The following KAZN variants were observed in gnomAD, a reference collection of about 807,000 sequenced individuals.
KAZN encodes the protein kazrin.
In KAZN, 40 loss-of-function variants were observed where a neutral mutation model predicts 87.4. That is an observed-to-expected ratio of 0.46 (90% CI 0.36 to 0.60). The LOEUF (loss-of-function observed/expected upper bound fraction) is 0.60, where lower values mean the gene tolerates loss of function less well. Among genes scored for constraint, KAZN ranks in the 20% least tolerant of loss-of-function variants. The probability of loss-of-function intolerance (pLI) is 0.00; values close to 1 mark genes in which losing one functional copy is unlikely to be tolerated. For missense variants in KAZN, 898 were observed against 1,073.9 expected (o/e 0.84, Z 2.29); for synonymous variants, 466 against 458.3 (o/e 1.02, Z -0.22).
chr1:14,161,471 C>T (rs72643175), intron 1 of KAZN, among the ~76,000 whole-genome samples: 22,141 of 152,212 alleles, frequency 0.15, 1,826 homozygotes, highest in East Asian at 0.33. Flanking sequence ...AATGCCTTAC[C>T]ATGTGGACCT....
At chr1:15,046,491 C>T (rs370144359) in intron 4 of KAZN, among the ~76,000 whole-genome samples, 6 of 152,194 alleles carry the variant, frequency 3.9e-5, no homozygotes, top group South Asian at 4.2e-4. Context: ...ATCAGACCCA[C>T]GCACCCATGC....
chr1:14,845,005 G>A (rs574047306), intron 1 of KAZN, among the ~76,000 whole-genome samples: 67 of 151,466 alleles, frequency 4.4e-4, no homozygotes, highest in Non-Finnish European at 3.8e-4. Context: ...GAATAAATGA[G>A]TAGTGGATAG....
chr1:14,628,318 G>A (rs1679301047), intron 1 of KAZN, among the ~76,000 whole-genome samples: 1 of 152,168 alleles, frequency 6.6e-6, no homozygotes, highest in South Asian at 2.1e-4. Context: ...CAGCATATAA[G>A]CAGCCAGGAC....
chr1:14,846,517 CA>C (rs1000787430), intron 1 of KAZN, among the ~76,000 whole-genome samples: 1 of 151,946 alleles, frequency 6.6e-6, no homozygotes, highest in African/African-American at 2.4e-5. Context: ...AAAACAAAAA[CA>C]AAAAAACCTA....
At chr1:14,057,470 CT>C (rs1477948550) in intron 1 of KAZN, among the ~76,000 whole-genome samples, 1 of 152,178 alleles carries the variant, frequency 6.6e-6, no homozygotes, top group African/African-American at 2.4e-5. Flanking sequence ...ACTAGAACTC[CT>C]TTCATTTGAG....
At chr1:14,835,541 T>C (rs1273080578) in intron 1 of KAZN, among the ~76,000 whole-genome samples, 24 of 152,142 alleles carry the variant, frequency 1.6e-4, no homozygotes, top group Non-Finnish European at 5.9e-5. Flanking sequence ...AGTAAAGTTA[T>C]GGATAGTCTC....
intron 2 of KAZN, among the ~76,000 whole-genome samples, chr1:14,250,302 T>A (rs954911130): frequency 6.6e-6 from 1 of 152,040 alleles, no homozygotes; most frequent in Non-Finnish European, 1.5e-5. Context: ...CCCCAAGCTC[T>A]ATAAATACAC....
intron 1 of KAZN, among the ~76,000 whole-genome samples, chr1:14,711,488 C>T (rs781138871): frequency 6.6e-6 from 1 of 152,154 alleles, no homozygotes; most frequent in Non-Finnish European, 1.5e-5. Flanking sequence ...TTCCCCACGC[C>T]CTTCCGCTGG....
intron 2 of KAZN, among the ~76,000 whole-genome samples, chr1:15,029,212 A>G (rs1409348785): frequency 6.6e-6 from 1 of 152,156 alleles, no homozygotes; most frequent in East Asian, 1.9e-4. Flanking sequence ...AGGAGGGTGG[A>G]TGGTGCCAGT....
intron 1 of KAZN, among the ~76,000 whole-genome samples, chr1:14,021,807 G>A (rs1191017822): frequency 6.6e-6 from 1 of 152,160 alleles, no homozygotes; most frequent in South Asian, 2.1e-4. Flanking sequence ...GACTCTTTAT[G>A]TTCCCTGGGG....
At chr1:14,860,650 G>T (rs142209934) in intron 1 of KAZN, among the ~76,000 whole-genome samples, 1 of 152,088 alleles carries the variant, frequency 6.6e-6, no homozygotes, top group African/African-American at 2.4e-5. Context: ...AAAGAAAATC[G>T]GTATTTTCTG....
intron 2 of KAZN, among the ~76,000 whole-genome samples, chr1:14,314,608 C>T (rs1249531325): frequency 6.6e-6 from 1 of 152,098 alleles, no homozygotes; most frequent in African/African-American, 2.4e-5. Flanking sequence ...CATCCTCATT[C>T]TTGTAATGAC....
chr1:14,372,139 G>A (rs1404669838), intron 2 of KAZN, among the ~76,000 whole-genome samples: 1 of 152,174 alleles, frequency 6.6e-6, no homozygotes, highest in Non-Finnish European at 1.5e-5. Flanking sequence ...TTTGGGAAAA[G>A]CAAATGACGA....
intron 1 of KAZN, among the ~76,000 whole-genome samples, chr1:14,897,624 CA>C (rs35986209): frequency 0.7 from 105,131 of 150,778 alleles, 38,898 homozygotes; most frequent in Non-Finnish European, 0.83. Flanking sequence ...CTTTCCAAAG[CA>C]AAAAAAAAAT....
intron 1 of KAZN, among the ~76,000 whole-genome samples, chr1:14,022,883 A>G (rs1640909993): frequency 6.6e-6 from 1 of 152,182 alleles, no homozygotes; most frequent in African/African-American, 2.4e-5. Flanking sequence ...TTTAAACCCC[A>G]TTTCTACCAT....
intron 2 of KAZN, among the ~76,000 whole-genome samples, chr1:15,002,850 C>A (rs1294748059): frequency 6.6e-6 from 1 of 151,954 alleles, no homozygotes; most frequent in Non-Finnish European, 1.5e-5. Context: ...GTGGTGGGCG[C>A]CTGTAATCCC....
intron 1 of KAZN, among the ~76,000 whole-genome samples, chr1:14,017,541 C>G (rs1490493185): frequency 6.6e-6 from 1 of 152,188 alleles, no homozygotes; most frequent in Non-Finnish European, 1.5e-5. Flanking sequence ...GTGACCTGCC[C>G]AAGGGCATCA....
intron 1 of KAZN, among the ~76,000 whole-genome samples, chr1:14,957,916 G>A (rs948423705): frequency 4.6e-5 from 7 of 152,264 alleles, no homozygotes; most frequent in Admixed American, 4.6e-4. Flanking sequence ...GTTAGGAGGA[G>A]CTGGGAGGGC....
At chr1:13,971,491 G>A (rs1203409230) in intron 1 of KAZN, among the ~76,000 whole-genome samples, 3 of 152,248 alleles carry the variant, frequency 2.0e-5, no homozygotes, top group East Asian at 1.9e-4. Context: ...ATGTAGGCCC[G>A]AATGTGCATC....
Sources: gnomAD v4.1 joint callset for allele counts (sites outside exome capture counted in the v4.1 genomes callset) on GRCh38, gnomAD v4.1.1 for gene constraint, MANE v1.5 for transcripts, NCBI Gene and HGNC (gene_info 2026-07-23, HGNC 2026-07-21) for gene names.